SLK: variants seen among roughly 807,000 people sequenced by gnomAD.
SLK encodes the protein STE20 like kinase.
A neutral mutation model predicts 147.7 loss-of-function variants in SLK; 67 were observed. That is an observed-to-expected ratio of 0.45 (90% CI 0.37 to 0.56). SLK has a LOEUF of 0.56. Among genes scored for constraint, SLK ranks in the 20% least tolerant of loss-of-function variants. The probability of loss-of-function intolerance (pLI) is 0.00; values close to 1 mark genes in which losing one functional copy is unlikely to be tolerated. For missense variants in SLK, 1,136 were observed against 1,438.8 expected (o/e 0.79, Z 3.41); for synonymous variants, 441 against 475.0 (o/e 0.93, Z 0.93).
intron 2 of SLK, among the ~76,000 whole-genome samples, chr10:103,992,294 C>T (rs1210771115): frequency 6.6e-6 from 1 of 151,770 alleles, no homozygotes; most frequent in Non-Finnish European, 1.5e-5. Context: ...TCATTGGTGA[C>T]CAAATAGCTG....
chr10:103,995,370 A>G (rs1213663971), intron 4 of SLK, among the ~76,000 whole-genome samples: 1 of 130,490 alleles, frequency 7.7e-6, no homozygotes, highest in Admixed American at 7.6e-5. Context: ...TCATCTGTGT[A>G]TTTCCTGTGT....
intron 1 of SLK, among the ~76,000 whole-genome samples, chr10:103,984,095 G>T (rs2134457679): frequency 1.3e-5 from 2 of 152,230 alleles, no homozygotes; most frequent in Middle Eastern, 3.4e-3. Context: ...TAATCAATGT[G>T]ATTTTCCTCC....
In SLK at chr10:104,005,987, A is replaced by G. The variant is rs805662; in HGVS notation, c.2556A>G (p.Leu852=). 0.037 allele frequency: 59,830 copies of G among 1,612,638 alleles called. 1,362 individuals are homozygous for G. The highest frequency in any genetic ancestry group is 0.043 in the Non-Finnish European group (51,011 of 1,179,386). ...CCCAACAACAGCTCAATAGCAAACT[A>G]CAGCAACAACGAGAACAAATTTTCC... ...QRAQQQLNSK[L]QQQREQIFRR... The change falls in exon 11 of 19, where the codon CTA becomes CTG. Residue 852 remains leucine, a synonymous_variant. Transcript: ENST00000369755.
intron 1 of SLK, among the ~76,000 whole-genome samples, chr10:103,985,214 G>T (rs533143463): frequency 6.6e-6 from 1 of 152,244 alleles, no homozygotes; most frequent in Admixed American, 6.5e-5. Context: ...TATACATAGG[G>T]TTTAGTACTA....
At chr10:104,004,086 T>A (rs1174514952) in intron 9 of SLK, among the ~76,000 whole-genome samples, 2 of 141,290 alleles carry the variant, frequency 1.4e-5, no homozygotes, top group East Asian at 2.0e-4. Flanking sequence ...GATCACTATT[T>A]GTAAAAAAAA....
chr10:104,020,578 T>G lies in SLK; in HGVS notation c.3412T>G (p.Cys1138Gly). ...TCAAATGCGAGATCTTCAGTTGCAG[T>G]GTGAAGCCAATGTCCGCGAACTGCA... ...ENQMRDLQLQ[C>G]EANVRELHQL... Residue 1138 changes from cysteine (C) to glycine (G), a missense_variant, in exon 17 of 19, where the codon TGT (cysteine) becomes GGT (glycine). Cys to Gly is a radical substitution (Grantham distance 159). Around this residue, in one of 6 missense-constraint regions of SLK, gnomAD observed 327 missense variants for 457.5 expected, o/e 0.71. Transcript: ENST00000369755. 6.2e-7 allele frequency: 1 copy of G among 1,613,846 alleles called. No homozygotes were observed. The highest frequency in any genetic ancestry group is 8.5e-7 in the Non-Finnish European group (1 of 1,179,906).
intron 4 of SLK, 50 bp from the exon 5 acceptor site, chr10:103,998,849 T>A: frequency 7.5e-7 from 1 of 1,341,970 alleles, no homozygotes; most frequent in Non-Finnish European, 1.1e-6. Flanking sequence ...TTGAATACAA[T>A]GAACAATGCT....
intron 8 of SLK, 69 bp from the exon 9 acceptor site, chr10:104,002,103 T>C (rs1844256216): frequency 1.8e-6 from 2 of 1,107,138 alleles, no homozygotes; most frequent in East Asian, 4.8e-5. Flanking sequence ...TCACTGTAGG[T>C]CTGTAAACAT....
At position 104,002,935 on chromosome 10, in the gene SLK, A is replaced by AT; in HGVS notation, c.1758dup (p.Lys587Ter). On this transcript the variant is annotated frameshift_variant, in exon 9 of 19. Coordinates refer to ENST00000369755, the MANE Select transcript of SLK (RefSeq NM_014720.4). LOFTEE classifies it high-confidence loss of function. ...GTCGAAGTAGGCCAGAAATTAATTAATAAGCCCATGGTGGGTCCTGAGGCT... is the reference window on the plus strand; with the variant it reads ...GTCGAAGTAGGCCAGAAATTAATTAATTAAGCCCATGGTGGGTCCTGAGGCT... 1 of 1,614,164 alleles carries AT rather than the reference A, an allele frequency of 6.2e-7. No homozygotes were observed. The highest frequency in any genetic ancestry group is 8.5e-7 in the Non-Finnish European group (1 of 1,180,004).
At chr10:103,988,869 G>A (rs1844053035) in intron 1 of SLK, among the ~76,000 whole-genome samples, 1 of 151,878 alleles carries the variant, frequency 6.6e-6, no homozygotes, top group Admixed American at 6.6e-5. Flanking sequence ...TTACTGATGA[G>A]GAGACTAAAA....
At chr10:103,981,667 GT>G (rs143568349) in intron 1 of SLK, among the ~76,000 whole-genome samples, 7 of 147,744 alleles carry the variant, frequency 4.7e-5, no homozygotes, top group South Asian at 2.1e-4. Flanking sequence ...ATATATGCCA[GT>G]TTTTTTTTTT....
chr10:103,998,193 A>T lies in SLK; in HGVS notation c.515-706A>T, dbSNP rs370385729. Among the ~76,000 whole-genome samples the T allele has an allele frequency of 1.6e-4, 25 of 152,266 alleles. No homozygotes were observed. In the East Asian group the frequency reaches 2.3e-3, roughly 14 times the overall value. On this transcript the variant is annotated intron_variant, in intron 4 of 18. Coordinates refer to ENST00000369755, the MANE Select transcript of SLK (RefSeq NM_014720.4). ...AATAGCTACCATTTATTGAGTGTAT[A>T]CTCTGTGGTAGGCATGAGCATCAAA... is the stretch of plus-strand genomic sequence containing the variant.
chr10:103,979,354 T>C (rs916803522), intron 1 of SLK, among the ~76,000 whole-genome samples: 19 of 152,250 alleles, frequency 1.2e-4, no homozygotes, highest in Admixed American at 9.8e-4. Context: ...ATGTTTTATT[T>C]CCAGTTGGTA....
chr10:104,023,762 C>T (rs1271679393), intron 18 of SLK, among the ~76,000 whole-genome samples: 1 of 152,148 alleles, frequency 6.6e-6, no homozygotes, highest in African/African-American at 2.4e-5. Flanking sequence ...CCACCAGACA[C>T]ATTTGTTTAT....
In SLK at chr10:104,018,171, T is replaced by G; in HGVS notation, c.2889T>G (p.Phe963Leu). 1 of 1,604,292 alleles carries G rather than the reference T, an allele frequency of 6.2e-7. No homozygotes were observed. Among genetic ancestry groups the G allele is most frequent in the South Asian group, 1.1e-5 (1 of 88,786 alleles). The part of the protein sequence containing the change: ...AQSQHAQEQE[F>L]VQKQQQELDG... ...ACTGTTTTTAATAGGAACAAGAGTT[T>G]GTTCAGAAACAACAGCAAGAATTAG... The change falls in exon 14 of 19, where the codon TTT (phenylalanine) becomes TTG (leucine). Residue 963 changes from phenylalanine (F) to leucine (L), a missense_variant. Physicochemically the swap from Phe to Leu is conservative, Grantham distance 22. Coordinates refer to ENST00000369755, the MANE Select transcript of SLK (RefSeq NM_014720.4).
chr10:104,009,831 C>T lies in SLK; in HGVS notation c.2785-985C>T, dbSNP rs556511747. On this transcript the variant is annotated intron_variant, in intron 12 of 18. Coordinates refer to ENST00000369755, the MANE Select transcript of SLK (RefSeq NM_014720.4). ...ACTTCTTGCATTTGGGGAGTCTCTT[C>T]CTTTTAATGGTGATTTGGTTTCATG... 3.3e-5 allele frequency among the ~76,000 whole-genome samples: 5 copies of T among 151,828 alleles called. No individual in the cohort carries two copies. In the South Asian group the frequency reaches 1.0e-3, roughly 32 times the overall value.
chr10:103,976,930 A>G (rs1003108922), intron 1 of SLK, among the ~76,000 whole-genome samples: 1 of 152,228 alleles, frequency 6.6e-6, no homozygotes, highest in Non-Finnish European at 1.5e-5. Flanking sequence ...CGTTTTGGAC[A>G]GGATAATCCT....
At chr10:103,984,873 T>C (rs1359797797) in intron 1 of SLK, among the ~76,000 whole-genome samples, 1 of 152,210 alleles carries the variant, frequency 6.6e-6, no homozygotes, top group Non-Finnish European at 1.5e-5. Context: ...ACCTAACATA[T>C]AGAAGGCACT....
At chr10:104,009,554 C>T (rs1424348974) in intron 12 of SLK, among the ~76,000 whole-genome samples, 1 of 151,942 alleles carries the variant, frequency 6.6e-6, no homozygotes, top group Non-Finnish European at 1.5e-5. Context: ...TGTAGAATTG[C>T]TGTATATACT....
Sources: gnomAD v4.1 joint callset for allele counts (sites outside exome capture counted in the v4.1 genomes callset) on GRCh38, gnomAD v4.1.1 for gene constraint, gnomAD v4.1.1 regional missense constraint, MANE v1.5 for transcripts, NCBI Gene and HGNC (gene_info 2026-07-23, HGNC 2026-07-21) for gene names.